FAM204A: variants seen among roughly 807,000 people sequenced by gnomAD.
FAM204A encodes protein FAM204A.
A neutral mutation model predicts 35.4 loss-of-function variants in FAM204A; 16 were observed. That is an observed-to-expected ratio of 0.45 (90% CI 0.31 to 0.69). The LOEUF is 0.69. FAM204A is among the 30% of genes least tolerant of loss of function. FAM204A has a pLI of 0.07. For missense variants in FAM204A, 240 were observed against 265.7 expected (o/e 0.90, Z 0.67); for synonymous variants, 76 against 86.9 (o/e 0.88, Z 0.70).
In FAM204A at chr10:118,336,410, C is replaced by T; in HGVS notation, c.6G>A (p.Trp2Ter). The change falls in exon 3 of 9, where the codon TGG (tryptophan) becomes TGA (stop). Residue 2 changes from tryptophan to a stop codon, truncating the protein, a stop_gained. Coordinates refer to ENST00000369183, the MANE Select transcript of FAM204A (RefSeq NM_022063.3). LOFTEE classifies it high-confidence loss of function. M[W>*]SGLLPPGLNE... ...TTAGGCCAGGAGGTAGCAGCCCACT[C>T]CACATCTTTTCTTCTATGAGGAAAA... is the stretch of plus-strand genomic sequence containing the variant. The T allele has an allele frequency of 1.9e-6, 3 of 1,607,766 alleles. No individual in the cohort carries two copies.
intron 7 of FAM204A, among the ~76,000 whole-genome samples, chr10:118,318,054 A>G (rs1485500697): frequency 6.6e-6 from 1 of 151,978 alleles, no homozygotes; most frequent in Non-Finnish European, 1.5e-5. Context: ...AGTGTCCTAT[A>G]TTCTTTCTCA....
intron 8 of FAM204A, 144 bp downstream of exon 8, chr10:118,311,063 C>T (rs1472740103): frequency 9.7e-7 from 1 of 1,026,636 alleles, no homozygotes; most frequent in Non-Finnish European, 1.5e-6. Flanking sequence ...AGAAATGCCT[C>T]TATATTTATA....
At position 118,326,159 on chromosome 10, in the gene FAM204A, G is replaced by A. The variant is rs1165331639; in HGVS notation, c.538C>T (p.Arg180Ter). ...AEELSNQLAT[R>*]ELGVKIAKAV... is the part of the protein sequence containing the mutation. ...GTGTAACCCTTTTGACTCACCTCTC[G>A]AGTAGCTAGCTGGTTGCTGAGTTCC... The change falls in exon 7 of 9, where the codon CGA becomes TGA. Residue 180 changes from arginine to a stop codon, truncating the protein, a stop_gained. Coordinates refer to ENST00000369183, the MANE Select transcript of FAM204A (RefSeq NM_022063.3). LOFTEE classifies it high-confidence loss of function. 3 of 1,612,992 alleles carry A rather than the reference G, an allele frequency of 1.9e-6. No homozygotes were observed. The highest frequency in any genetic ancestry group is 1.7e-6 in the Non-Finnish European group (2 of 1,179,232).
Position 118,310,277 on chromosome 10 carries a change from C to G in FAM204A, c.*580G>C, listed in dbSNP as rs181471994. 6.6e-6 allele frequency: 1 copy of G among 150,424 alleles called. No individual in the cohort carries two copies. 9.3% of individuals were successfully genotyped at this position (150,424 alleles called of 1,614,324 possible). ...TCATATGAGGCCAGGAGTTCAAGAC[C>G]AGCCTGACCAACACAGCAAAACTCT... On this transcript the variant is annotated 3_prime_UTR_variant, in exon 9 of 9. Transcript: ENST00000369183.
chr10:118,340,576 T>C (rs1416315899), intron 2 of FAM204A, among the ~76,000 whole-genome samples: 2 of 152,188 alleles, frequency 1.3e-5, no homozygotes, highest in Non-Finnish European at 2.9e-5. Context: ...CAGTATCCAG[T>C]AGATAAGGTT....
intron 6 of FAM204A, among the ~76,000 whole-genome samples, 198 bp downstream of exon 6, chr10:118,334,916 T>C (rs1337346480): frequency 1.3e-5 from 2 of 152,248 alleles, no homozygotes; most frequent in Non-Finnish European, 2.9e-5. Flanking sequence ...CCCATTTTAA[T>C]ATTTTCACAA....
rs150867987 is a variant in FAM204A at position 118,323,183 on chromosome 10, T to C, written c.543+2971A>G. ...GCAACAGCAATAGGACACCAGCTTG[T>C]TGAGTCCTGTGATCCTAAAGAGACC... On this transcript the variant is annotated intron_variant, in intron 7 of 8. Transcript: ENST00000369183. Among the ~76,000 whole-genome samples, 718 of 152,148 alleles carry C rather than the reference T, an allele frequency of 4.7e-3. 6 individuals carry two copies. The highest frequency in any genetic ancestry group is 0.016 in the African/African-American group (668 of 41,522).
rs144104135 is a variant in FAM204A, at chr10:118,336,940, A to G, written c.-8-517T>C. On this transcript the variant is annotated intron_variant, in intron 2 of 8. Transcript: ENST00000369183. Reference sequence around the variant, plus strand: ...AACTAAAGGAAAATTTTTAAGCTACATAAGTAGTTGGAGGAAGGTATCGTA... The same window carrying G: ...AACTAAAGGAAAATTTTTAAGCTACGTAAGTAGTTGGAGGAAGGTATCGTA... 3.7e-3 allele frequency among the ~76,000 whole-genome samples: 571 copies of G among 152,342 alleles called. 4 individuals are homozygous for G. Among genetic ancestry groups the G allele is most frequent in the Non-Finnish European group, 6.6e-3 (448 of 68,022 alleles).
intron 7 of FAM204A, among the ~76,000 whole-genome samples, chr10:118,319,711 G>A (rs892438277): frequency 2.0e-5 from 3 of 151,896 alleles, no homozygotes; most frequent in Non-Finnish European, 4.4e-5. Context: ...AAGGGTTTTA[G>A]ATTCAGCAAA....
intron 2 of FAM204A, 47 bp from the exon 3 acceptor site, chr10:118,336,470 T>TA (rs1846389619): frequency 6.7e-7 from 1 of 1,495,398 alleles, no homozygotes. Context: ...ACCATAGAAA[T>TA]AATTTTAAGA....
rs1233434145 is a variant in FAM204A, at chr10:118,310,242, G to C, written c.*615C>G. ...TACTCCCAGAACTTTGGGAGGCAGA[G>C]GCAGGTGAATCATATGAGGCCAGGA... On this transcript the variant is annotated 3_prime_UTR_variant, in exon 9 of 9. Transcript: ENST00000369183. 6.6e-6 allele frequency: 1 copy of C among 151,874 alleles called. No individual in the cohort carries two copies. The highest frequency in any genetic ancestry group is 1.9e-4 in the East Asian group (1 of 5,178). The allele number at this position is 151,874 out of a possible 1,614,324, so 9.4% of individuals were successfully genotyped here.
chr10:118,332,672 A>G (rs1589728942), intron 6 of FAM204A, among the ~76,000 whole-genome samples: 1 of 151,616 alleles, frequency 6.6e-6, no homozygotes, highest in South Asian at 2.1e-4. Flanking sequence ...ACAAACAAAC[A>G]AAAAAAACCA....
At position 118,311,289 on chromosome 10, in the gene FAM204A, C is replaced by T; in HGVS notation, c.568G>A (p.Val190Ile). ...GCTTTTACAAAGTTGTGGCAGGCAA[C>T]TGCTTTGGCAATTTTTACACCAAGC... is the stretch of plus-strand genomic sequence containing the variant. The part of the protein sequence containing the change: ...RELGVKIAKA[V>I]ACHNFVKAKK... Residue 190 changes from valine (V) to isoleucine (I), a missense_variant, in exon 8 of 9, where the codon GTT (valine) becomes ATT (isoleucine). Coordinates refer to ENST00000369183, the MANE Select transcript of FAM204A (RefSeq NM_022063.3). 1 of 1,604,658 alleles carries T rather than the reference C, an allele frequency of 6.2e-7. No homozygotes were observed. Among genetic ancestry groups the T allele is most frequent in the Non-Finnish European group, 8.5e-7 (1 of 1,177,744 alleles).
chr10:118,300,040 T>C lies in FAM204A; in HGVS notation c.*10817A>G, dbSNP rs1314715402. On this transcript the variant is annotated 3_prime_UTR_variant, in exon 9 of 9. Transcript: ENST00000369183. ...TGTATTGAGGACCGTCCATGACAGC[T>C]TGCTGATTTGGGGGAGATGAGTGGG... The C allele has an allele frequency of 1.3e-5, 2 of 152,208 alleles. No individual in the cohort carries two copies. The highest frequency in any genetic ancestry group is 1.3e-4 in the Admixed American group (2 of 15,282). The allele number at this position is 152,208 out of a possible 1,614,324, so 9.4% of individuals were successfully genotyped here. A position where few individuals can be genotyped will look rare whatever the true frequency, so the allele number is the denominator to read the frequency against.
At chr10:118,330,448 A>C (rs1243460275) in intron 6 of FAM204A, among the ~76,000 whole-genome samples, 2 of 152,226 alleles carry the variant, frequency 1.3e-5, no homozygotes, top group Admixed American at 1.3e-4. Context: ...GAAAGAGCAC[A>C]GGACTAGAAG....
intron 7 of FAM204A, among the ~76,000 whole-genome samples, chr10:118,321,623 C>T (rs1461400642): frequency 6.7e-6 from 1 of 148,854 alleles, no homozygotes; most frequent in Non-Finnish European, 1.5e-5. Flanking sequence ...CTGAAGCAAT[C>T]TCATTTGTCA....
At chr10:118,317,615 CTGCAGTGTCACGGCTG>C (rs1162246915) in intron 7 of FAM204A, among the ~76,000 whole-genome samples, 1 of 151,942 alleles carries the variant, frequency 6.6e-6, no homozygotes, top group East Asian at 1.9e-4. Flanking sequence ...TATTAAAATG[CTGCAGTGTCACGGCTG>C]TGCACAATTT....
At chr10:118,326,008 G>A (rs1846192219) in intron 7 of FAM204A, 146 bp downstream of exon 7, 1 of 605,936 alleles carries the variant, frequency 1.7e-6, no homozygotes, top group Non-Finnish European at 2.8e-6. Flanking sequence ...CAAAATAAAT[G>A]ACAGAATAAA....
intron 6 of FAM204A, among the ~76,000 whole-genome samples, chr10:118,330,730 A>G (rs11198364): frequency 0.064 from 9,754 of 152,226 alleles, 370 homozygotes; most frequent in South Asian, 0.12. Flanking sequence ...AATATTCCAA[A>G]TACACTCAAA....
Sources: allele counts gnomAD v4.1 joint callset (sites outside exome capture counted in the v4.1 genomes callset), GRCh38; gene constraint gnomAD v4.1.1; transcripts MANE v1.5; gene names NCBI Gene and HGNC (gene_info 2026-07-23, HGNC 2026-07-21).